ZNF638: variants seen among roughly 807,000 people sequenced by gnomAD.
The protein encoded by ZNF638 is zinc finger protein 638, also known as CTCL tumor antigen se33-1.
ZNF638 carries 46 observed loss-of-function variants against 195.6 expected under a neutral mutation model. The ratio of observed to expected loss-of-function variants is 0.24; its 90% confidence interval spans 0.19 to 0.30. The LOEUF is 0.30. Among genes scored for constraint, ZNF638 ranks in the 10% least tolerant of loss-of-function variants. The pLI, the probability that ZNF638 is intolerant of heterozygous loss-of-function variation, is 1.00. For synonymous variants in ZNF638, 845 were observed against 772.0 expected, an observed-to-expected ratio of 1.09 and a Z score of -1.57; for missense variants, 2,440 against 2,325.3, an observed-to-expected ratio of 1.05 and a Z score of -1.01.
chr2:71,428,927 C>A (rs766675764), intron 25 of ZNF638: 4 of 253,772 alleles, frequency 1.6e-5, no homozygotes, highest in Non-Finnish European at 2.3e-5. Flanking sequence ...TATTAACTAG[C>A]TATTATTTGT....
intron 13 of ZNF638, 127 bp from the exon 14 acceptor site, chr2:71,399,985 G>A (rs1009602439): frequency 5.8e-6 from 4 of 691,020 alleles, no homozygotes; most frequent in South Asian, 3.1e-5. Flanking sequence ...AAAGAGAGAT[G>A]TTTGGCTTAT....
intron 10 of ZNF638, among the ~76,000 whole-genome samples, chr2:71,382,161 A>G (rs1029122372): frequency 2.6e-5 from 4 of 152,128 alleles, no homozygotes; most frequent in African/African-American, 9.7e-5. Flanking sequence ...TATTGATTAC[A>G]ATTGGAAAAC....
At chr2:71,332,019 C>CGGGCAGACGGG in intron 1 of ZNF638, 144 bp downstream of exon 1, 1 of 278,172 alleles carries the variant, frequency 3.6e-6, no homozygotes, top group Non-Finnish European at 5.3e-6. Flanking sequence ...GGGCAGACGG[C>CGGGCAGACGGG]GGGGGCGGGA....
chr2:71,430,413 A>G (rs1018193989), intron 25 of ZNF638, among the ~76,000 whole-genome samples: 7 of 152,146 alleles, frequency 4.6e-5, no homozygotes, highest in Admixed American at 2.6e-4. Flanking sequence ...GATGATCAGT[A>G]AAGTGTGAGG....
chr2:71,401,678 C>CT (rs1231003505), intron 15 of ZNF638, among the ~76,000 whole-genome samples: 1 of 148,908 alleles, frequency 6.7e-6, no homozygotes, highest in Non-Finnish European at 1.5e-5. Flanking sequence ...CAGAGCAAGA[C>CT]TAAAAAAAAA....
chr2:71,429,588 G>A (rs960846368), intron 25 of ZNF638, among the ~76,000 whole-genome samples: 10 of 152,050 alleles, frequency 6.6e-5, no homozygotes, highest in African/African-American at 2.4e-4. Context: ...CTTTGACCTT[G>A]AAATCTCTCT....
rs1251028349 is a variant in ZNF638 at position 71,365,651 on chromosome 2, A to G, written c.1940A>G (p.Asp647Gly). ...IRCKSKNLED[D>G]TLSECKQVSD... ...TGTAAATCAAAGAATCTTGAAGATGACACTTTGTCAGAATGTAAACAGGTG... is the reference window on the plus strand; with the variant it reads ...TGTAAATCAAAGAATCTTGAAGATGGCACTTTGTCAGAATGTAAACAGGTG... The change falls in exon 6 of 28, where the codon GAC (aspartate) becomes GGC (glycine). Residue 647 changes from aspartate (D) to glycine (G), a missense_variant. Physicochemically the swap from Asp to Gly is moderately conservative, Grantham distance 94. Transcript: ENST00000264447. 4 of 1,614,000 alleles carry G rather than the reference A, an allele frequency of 2.5e-6. No homozygotes were observed. Among genetic ancestry groups the G allele is most frequent in the Non-Finnish European group, 3.4e-6 (4 of 1,179,972 alleles).
At position 71,364,119 on chromosome 2, in the gene ZNF638, T is replaced by C. The variant is rs771048745; in HGVS notation, c.1584T>C (p.Arg528=). Residue 528 remains arginine, a synonymous_variant, in exon 5 of 28, where the codon CGT becomes CGC. Transcript: ENST00000264447. ...GTCGAAGTCCAAGAATTTGCCATCGTTTCATTTCTAGATACAGATCCAGAT... is the reference window on the plus strand; with the variant it reads ...GTCGAAGTCCAAGAATTTGCCATCGCTTCATTTCTAGATACAGATCCAGAT... The part of the protein sequence containing the change: ...PRSRSPRICH[R]FISRYRSRSR... 4 of 1,614,160 alleles carry C rather than the reference T, an allele frequency of 2.5e-6. No individual in the cohort carries two copies. Among genetic ancestry groups the C allele is most frequent in the Admixed American group, 3.3e-5 (2 of 60,024 alleles).
chr2:71,388,538 G>T (rs931659839), intron 10 of ZNF638: 15 of 723,132 alleles, frequency 2.1e-5, no homozygotes, highest in Non-Finnish European at 3.9e-5. Flanking sequence ...TCTCTCTTCG[G>T]CGTCTCTAAG....
At chr2:71,353,343 C>T (rs1301355157) in intron 2 of ZNF638, among the ~76,000 whole-genome samples, 7 of 152,034 alleles carry the variant, frequency 4.6e-5, no homozygotes, top group Admixed American at 1.3e-4. Flanking sequence ...GAGAAAGTAC[C>T]GACAATAAAA....
chr2:71,339,234 C>T (rs976551462), intron 1 of ZNF638, among the ~76,000 whole-genome samples: 7 of 151,610 alleles, frequency 4.6e-5, no homozygotes, highest in Non-Finnish European at 7.4e-5. Flanking sequence ...GCACTGCAGC[C>T]TCCACCTCCC....
chr2:71,379,539 A>C (rs756813552), intron 8 of ZNF638: 4 of 152,142 alleles, frequency 2.6e-5, no homozygotes, highest in African/African-American at 9.7e-5. Context: ...TAATGGCCCT[A>C]AAGTGCAAGT....
intron 18 of ZNF638, 53 bp downstream of exon 18, chr2:71,405,695 T>A (rs1173774971): frequency 7.9e-7 from 1 of 1,258,370 alleles, no homozygotes; most frequent in Non-Finnish European, 1.1e-6. Context: ...ATGGAAACAT[T>A]GTTTTACTTG....
At position 71,402,376 on chromosome 2, in the gene ZNF638, C is replaced by A. The variant is rs112047257; in HGVS notation, c.2829+289C>A. ...TCTTCAATATGTTTAATAAATATAT[C>A]TTTTACTATGTTATGTTAATATGTT... On this transcript the variant is annotated intron_variant, in intron 16 of 27. Transcript: ENST00000264447. 2.3e-3 allele frequency among the ~76,000 whole-genome samples: 344 copies of A among 151,978 alleles called. 3 individuals carry two copies. Among genetic ancestry groups the A allele is most frequent in the African/African-American group, 7.5e-3 (313 of 41,474 alleles).
intron 23 of ZNF638, among the ~76,000 whole-genome samples, chr2:71,426,000 A>G (rs747957508): frequency 6.6e-6 from 1 of 152,190 alleles, no homozygotes; most frequent in Non-Finnish European, 1.5e-5. Context: ...GTTAATGTGT[A>G]ATCAATATAT....
At chr2:71,347,491 A>T (rs1249173901) in intron 1 of ZNF638, among the ~76,000 whole-genome samples, 1 of 152,342 alleles carries the variant, frequency 6.6e-6, no homozygotes, top group East Asian at 1.9e-4. Context: ...TTGTGGCTTG[A>T]ACCAGACAGT....
intron 10 of ZNF638, chr2:71,395,599 CGGT>C: frequency 1.8e-6 from 1 of 560,096 alleles, no homozygotes; most frequent in Non-Finnish European, 3.3e-6. Flanking sequence ...GCTCCCAAGG[CGGT>C]GGGGGTGACA....
chr2:71,370,904 C>T (rs755364266), intron 8 of ZNF638, among the ~76,000 whole-genome samples: 48 of 152,120 alleles, frequency 3.2e-4, no homozygotes, highest in Middle Eastern at 3.4e-3. Context: ...CACTCTGTTG[C>T]GCTAGCTAAT....
At position 71,338,093 on chromosome 2, in the gene ZNF638, C is replaced by G. The variant is rs141584903; in HGVS notation, c.-203+6218C>G. On this transcript the variant is annotated intron_variant, in intron 1 of 27. Transcript: ENST00000264447. ...TTCCATTTGCCCTTCATGCATGATA[C>G]TATGTGTGAGCATATGCTATGGTTA... 5.1e-3 allele frequency among the ~76,000 whole-genome samples: 781 copies of G among 152,256 alleles called. 5 individuals are homozygous for G. The highest frequency in any genetic ancestry group is 0.018 in the African/African-American group (732 of 41,552).
Sources: allele counts gnomAD v4.1 joint callset (sites outside exome capture counted in the v4.1 genomes callset), GRCh38; gene constraint gnomAD v4.1.1; transcripts MANE v1.5; gene names NCBI Gene and HGNC (gene_info 2026-07-23, HGNC 2026-07-21).